Variants in FAM110B observed in about 807,000 individuals in gnomAD.
FAM110B encodes protein FAM110B.
FAM110B carries 6 observed loss-of-function variants against 20.4 expected under a neutral mutation model. The ratio of observed to expected loss-of-function variants is 0.29; its 90% CI spans 0.16 to 0.58. The LOEUF is 0.58. Ranked by LOEUF, FAM110B falls within the 20% of genes least tolerant of loss-of-function variation. The pLI is 0.90. For missense variants in FAM110B, 434 were observed against 498.2 expected (o/e 0.87, Z 1.23); for synonymous variants, 226 against 214.1 (o/e 1.06, Z -0.49).
At chr8:58,104,999 CTT>C (rs367979721) in intron 3 of FAM110B, among the ~76,000 whole-genome samples, 14 of 136,154 alleles carry the variant, frequency 1.0e-4, no homozygotes, top group Non-Finnish European at 8.0e-5. Context: ...CCATTGCCTT[CTT>C]TTTTTTTTTT....
At chr8:58,140,057 A>G (rs1585919728) in intron 3 of FAM110B, among the ~76,000 whole-genome samples, 1 of 152,148 alleles carries the variant, frequency 6.6e-6, no homozygotes, top group South Asian at 2.1e-4. Context: ...GTGTGGAGGG[A>G]CCACTGTAGT....
chr8:58,109,345 A>G (rs1486571038), intron 3 of FAM110B, among the ~76,000 whole-genome samples: 1 of 152,038 alleles, frequency 6.6e-6, no homozygotes, highest in Non-Finnish European at 1.5e-5. Flanking sequence ...ATTTAACATA[A>G]TATTTACAGG....
chr8:58,112,433 G>A lies in FAM110B; in HGVS notation c.-324-33474G>A, dbSNP rs7841736. On this transcript the variant is annotated intron_variant, in intron 3 of 3. Coordinates refer to ENST00000519262, the MANE Select transcript of FAM110B (RefSeq NM_001377989.1). ...ACATTTGTTTGAAAAATCATGTACA[G>A]CCCCTTGTATAAAGCAAGACTTCTG... 5.1e-3 allele frequency among the ~76,000 whole-genome samples: 771 copies of A among 152,320 alleles called. 8 individuals carry two copies. Among genetic ancestry groups the A allele is most frequent in the African/African-American group, 0.017 (700 of 41,582 alleles).
intron 3 of FAM110B, among the ~76,000 whole-genome samples, chr8:58,101,663 C>G (rs1211069499): frequency 6.6e-6 from 1 of 151,690 alleles, no homozygotes; most frequent in Non-Finnish European, 1.5e-5. Flanking sequence ...CTGACTTCCT[C>G]CGAAATCTAG....
At chr8:58,073,368 A>G (rs1192139503) in intron 2 of FAM110B, among the ~76,000 whole-genome samples, 4 of 152,174 alleles carry the variant, frequency 2.6e-5, no homozygotes, top group Admixed American at 6.5e-5. Context: ...AGGAGAAGAG[A>G]GATGGTACCC....
intron 1 of FAM110B, among the ~76,000 whole-genome samples, chr8:58,007,501 T>C (rs1359267804): frequency 6.6e-6 from 1 of 152,224 alleles, no homozygotes; most frequent in African/African-American, 2.4e-5. Context: ...GTCTGAATGT[T>C]TGTGGTTCCC....
At chr8:58,037,915 C>T (rs1310095991) in intron 2 of FAM110B, among the ~76,000 whole-genome samples, 1 of 152,176 alleles carries the variant, frequency 6.6e-6, no homozygotes, top group Non-Finnish European at 1.5e-5. Context: ...GTTAACGCTT[C>T]ATCTCTGAGG....
intron 1 of FAM110B, among the ~76,000 whole-genome samples, chr8:58,022,601 A>G (rs1196163566): frequency 6.6e-6 from 1 of 152,226 alleles, no homozygotes; most frequent in Non-Finnish European, 1.5e-5. Flanking sequence ...TTTATATTTC[A>G]GCCTTTAAAA....
chr8:58,027,924 G>A (rs1355439824), intron 1 of FAM110B, among the ~76,000 whole-genome samples: 1 of 152,164 alleles, frequency 6.6e-6, no homozygotes. Context: ...AAATCTTTGT[G>A]TGGAATCTCT....
In FAM110B at chr8:58,146,962, G is replaced by T; in HGVS notation, c.732G>T (p.Val244=). 1 of 1,614,218 alleles carries T rather than the reference G, an allele frequency of 6.2e-7. No individual in the cohort carries two copies. The highest frequency in any genetic ancestry group is 8.5e-7 in the Non-Finnish European group (1 of 1,180,048). Residue 244 remains valine, a synonymous_variant, in exon 4 of 4, where the codon GTG becomes GTT. Transcript: ENST00000519262. The part of the protein sequence containing the change: ...ASMKSPEADP[V]EPACGVSRRP... ...TGAAGTCCCCCGAGGCCGACCCTGT[G>T]GAACCAGCTTGTGGAGTCAGCCGAA...
rs750911929 is a variant in FAM110B at position 58,146,313 on chromosome 8, G to A, written c.83G>A (p.Arg28His). The A allele has an allele frequency of 1.9e-6, 3 of 1,613,948 alleles. No homozygotes were observed. Among genetic ancestry groups the A allele is most frequent in the Non-Finnish European group, 1.7e-6 (2 of 1,179,976 alleles). The part of the protein sequence containing the change: ...AGTFTSAVPL[R>H]ILNKGPDYFR... ...ACCTTCACCTCTGCTGTGCCCCTGC[G>A]CATCCTGAACAAGGGGCCAGACTAC... Residue 28 changes from arginine to histidine, a missense_variant, in exon 4 of 4, where the codon CGC (arginine) becomes CAC (histidine). By Grantham distance (29) the Arg-to-His change is conservative (BLOSUM62 0). Coordinates refer to ENST00000519262, the MANE Select transcript of FAM110B (RefSeq NM_001377989.1).
At chr8:58,065,463 C>G (rs537220163) in intron 2 of FAM110B, among the ~76,000 whole-genome samples, 1 of 152,104 alleles carries the variant, frequency 6.6e-6, no homozygotes, top group Non-Finnish European at 1.5e-5. Context: ...TATTAACATC[C>G]GAAAACATGG....
rs1805371869 is a variant in FAM110B, at chr8:58,048,317, A to T, written c.-414+16614A>T. ...ATTTTTTTTTATTTTAAAAAGGAAT[A>T]TTAACATTGATCTCACCATTATACT... On this transcript the variant is annotated intron_variant, in intron 2 of 3. Transcript: ENST00000519262. Among the ~76,000 whole-genome samples the T allele has an allele frequency of 2.0e-5, 3 of 152,170 alleles. No homozygotes were observed. In the South Asian group the frequency reaches 6.2e-4, roughly 31 times the overall value.
At chr8:58,088,739 A>T (rs141675732) in intron 3 of FAM110B, among the ~76,000 whole-genome samples, 3 of 152,302 alleles carry the variant, frequency 2.0e-5, no homozygotes, top group African/African-American at 7.2e-5. Context: ...TTCTAACTGC[A>T]TTCCAAGACC....
chr8:58,145,332 A>T (rs1171614356), intron 3 of FAM110B, among the ~76,000 whole-genome samples: 17 of 146,838 alleles, frequency 1.2e-4, no homozygotes, highest in Non-Finnish European at 2.6e-4. Flanking sequence ...TTTTTTTTTT[A>T]AACTTTGTAG....
chr8:58,008,523 T>A (rs928773033), intron 1 of FAM110B, among the ~76,000 whole-genome samples: 2 of 152,238 alleles, frequency 1.3e-5, no homozygotes, highest in Non-Finnish European at 2.9e-5. Flanking sequence ...GTATCTAATG[T>A]GTTATGAGTA....
chr8:58,022,322 A>G (rs754925401), intron 1 of FAM110B, among the ~76,000 whole-genome samples: 1 of 152,196 alleles, frequency 6.6e-6, no homozygotes, highest in African/African-American at 2.4e-5. Flanking sequence ...CAAAGTACCT[A>G]GAGTAGTCAG....
chr8:58,038,840 A>G (rs1224847372), intron 2 of FAM110B, among the ~76,000 whole-genome samples: 1 of 152,076 alleles, frequency 6.6e-6, no homozygotes, highest in Non-Finnish European at 1.5e-5. Context: ...CTTCAGATCC[A>G]CTTCATCCCG....
chr8:58,117,420 T>C (rs1042752322), intron 3 of FAM110B, among the ~76,000 whole-genome samples: 6 of 152,154 alleles, frequency 3.9e-5, no homozygotes, highest in African/African-American at 1.4e-4. Context: ...CTGCCAAAAG[T>C]GGGGATGGCA....
Sources: allele counts gnomAD v4.1 joint callset (sites outside exome capture counted in the v4.1 genomes callset), GRCh38; gene constraint gnomAD v4.1.1; transcripts MANE v1.5; gene names NCBI Gene and HGNC (gene_info 2026-07-23, HGNC 2026-07-21).